The following SOX6 variants were observed in gnomAD, a reference collection of about 807,000 sequenced individuals.
SOX6 encodes SRY-box transcription factor 6.
In SOX6, 11 loss-of-function variants were observed where a neutral mutation model predicts 97.8. That is an observed-to-expected ratio of 0.11 (90% CI 0.07 to 0.19). The LOEUF (loss-of-function observed/expected upper bound fraction) is 0.19, where lower values mean the gene tolerates loss of function less well. SOX6 is among the 10% of genes least tolerant of loss of function. The probability of loss-of-function intolerance (pLI) is 1.00; values close to 1 mark genes in which losing one functional copy is unlikely to be tolerated. For synonymous variants in SOX6, 360 were observed against 371.4 expected, an observed-to-expected ratio of 0.97 and a Z score of 0.35; for missense variants, 810 against 1,039.5, an observed-to-expected ratio of 0.78 and a Z score of 3.04.
At chr11:16,321,179 C>A (rs549936669) in intron 2 of SOX6, among the ~76,000 whole-genome samples, 1 of 148,102 alleles carries the variant, frequency 6.8e-6, no homozygotes, top group Non-Finnish European at 1.5e-5. Flanking sequence ...CTGACCAAGG[C>A]TTTTATGAAT....
chr11:16,052,106 T>C (rs1847700101), intron 10 of SOX6, among the ~76,000 whole-genome samples: 1 of 152,180 alleles, frequency 6.6e-6, no homozygotes, highest in Admixed American at 6.6e-5. Flanking sequence ...ATGGAGTTTA[T>C]TACATCTTTT....
At position 15,970,775 on chromosome 11, in the gene SOX6, T is replaced by C. The variant is rs1853278705; in HGVS notation, c.*2034A>G. On this transcript the variant is annotated 3_prime_UTR_variant, in exon 16 of 16. Coordinates refer to ENST00000683767, the MANE Select transcript of SOX6 (RefSeq NM_001367873.1). ...CTCTTAAATAAATACAAAGGTACAC[T>C]ATTTTCTTCCAAGTGACAAAATGGC... 2 of 152,792 alleles carry C rather than the reference T, an allele frequency of 1.3e-5. No homozygotes were observed. Among genetic ancestry groups the C allele is most frequent in the South Asian group, 4.1e-4 (2 of 4,834 alleles). The allele number at this position is 152,792 out of a possible 1,614,324, so 9.5% of individuals were successfully genotyped here. A position where few individuals can be genotyped will look rare whatever the true frequency, so the allele number is the denominator to read the frequency against.
chr11:16,124,051 C>T (rs1057348880), intron 6 of SOX6, among the ~76,000 whole-genome samples: 3 of 152,104 alleles, frequency 2.0e-5, no homozygotes, highest in African/African-American at 7.2e-5. Context: ...CTTCCCAAAC[C>T]TGACCAATCT....
chr11:16,602,814 G>C (rs1292793371), intron 4 of SOX6, among the ~76,000 whole-genome samples: 1 of 152,140 alleles, frequency 6.6e-6, no homozygotes, highest in Non-Finnish European at 1.5e-5. Context: ...CTGAGGTCAG[G>C]AGTTCAACAC....
At chr11:16,326,108 A>T (rs545141626) in intron 2 of SOX6, among the ~76,000 whole-genome samples, 16 of 152,324 alleles carry the variant, frequency 1.1e-4, no homozygotes, top group African/African-American at 3.6e-4. Flanking sequence ...GGACTAAGAC[A>T]TTAATTACAA....
intron 1 of SOX6, among the ~76,000 whole-genome samples, chr11:16,472,957 A>G (rs992753396): frequency 1.3e-5 from 2 of 152,184 alleles, no homozygotes; most frequent in African/African-American, 2.4e-5. Context: ...ACATACACAT[A>G]TATTTTAAAT....
chr11:16,561,350 A>G (rs1847812897), intron 4 of SOX6, among the ~76,000 whole-genome samples: 1 of 152,036 alleles, frequency 6.6e-6, no homozygotes, highest in Non-Finnish European at 1.5e-5. Context: ...TGCTTCACCT[A>G]CTGTAAATAA....
chr11:16,637,293 T>C (rs1590026045), intron 3 of SOX6, among the ~76,000 whole-genome samples: 2 of 152,320 alleles, frequency 1.3e-5, no homozygotes, highest in East Asian at 1.9e-4. Context: ...TGATCTCAGC[T>C]CACTGCACCC....
At chr11:16,145,184 G>A (rs557011006) in intron 6 of SOX6, among the ~76,000 whole-genome samples, 2 of 152,162 alleles carry the variant, frequency 1.3e-5, no homozygotes, top group Non-Finnish European at 2.9e-5. Context: ...TGGGATGCAA[G>A]GCTGGTTCAA....
At chr11:16,189,760 C>T (rs1474842768) in intron 4 of SOX6, among the ~76,000 whole-genome samples, 2 of 152,110 alleles carry the variant, frequency 1.3e-5, no homozygotes, top group African/African-American at 4.8e-5. Flanking sequence ...AATATTCTAA[C>T]ATACGTGTAA....
intron 3 of SOX6, among the ~76,000 whole-genome samples, chr11:16,631,965 C>G (rs970919452): frequency 7.9e-5 from 12 of 152,116 alleles, no homozygotes; most frequent in African/African-American, 2.4e-4. Context: ...CTTATCTCTT[C>G]CTTCGTTTCT....
intron 6 of SOX6, among the ~76,000 whole-genome samples, chr11:16,143,737 G>T (rs967727614): frequency 6.6e-6 from 1 of 152,038 alleles, no homozygotes; most frequent in Non-Finnish European, 1.5e-5. Flanking sequence ...AACCAACAAA[G>T]ATCAAAAGAG....
At chr11:16,494,350 T>G (rs60084903) in intron 4 of SOX6, among the ~76,000 whole-genome samples, 27,840 of 151,998 alleles carry the variant, frequency 0.18, 2,602 homozygotes, top group African/African-American at 0.22. Flanking sequence ...CACTCCAGCC[T>G]GGGCCACAAA....
rs114938591 is a variant in SOX6, at chr11:16,376,811, A to T, written c.-4-35559T>A. The stretch of plus-strand genomic sequence containing the variant: ...ACTGCACTATAGATAGAACATTTAG[A>T]CTTCAGAACTGACAAGCGTATATTT... On this transcript the variant is annotated intron_variant, in intron 1 of 15. Transcript: ENST00000396356. Among the ~76,000 whole-genome samples, 1,091 of 152,204 alleles carry T rather than the reference A, an allele frequency of 7.2e-3. 17 individuals carry two copies. The highest frequency in any genetic ancestry group is 0.024 in the African/African-American group (976 of 41,520).
At chr11:16,322,095 C>T (rs1015615391) in intron 2 of SOX6, among the ~76,000 whole-genome samples, 1 of 151,768 alleles carries the variant, frequency 6.6e-6, no homozygotes, top group Non-Finnish European at 1.5e-5. Context: ...GAAAAAAAGC[C>T]CAGATTATTT....
chr11:16,421,909 A>G (rs1859028440), intron 1 of SOX6, among the ~76,000 whole-genome samples: 1 of 152,248 alleles, frequency 6.6e-6, no homozygotes, highest in Non-Finnish European at 1.5e-5. Flanking sequence ...TCATTAAAAC[A>G]GAACCATTTG....
chr11:16,635,635 A>C (rs1848774162), intron 3 of SOX6, among the ~76,000 whole-genome samples: 1 of 152,212 alleles, frequency 6.6e-6, no homozygotes, highest in South Asian at 2.1e-4. Flanking sequence ...CCAAATGCTA[A>C]TCACCAAGAC....
chr11:16,409,532 G>A (rs1858754705), intron 1 of SOX6, among the ~76,000 whole-genome samples: 1 of 151,960 alleles, frequency 6.6e-6, no homozygotes, highest in African/African-American at 2.4e-5. Context: ...AGACACACTA[G>A]AAGAAGAGAA....
upstream of SOX6, among the ~76,000 whole-genome samples, chr11:16,477,076 G>C (rs902196818): frequency 5.3e-5 from 8 of 152,032 alleles, no homozygotes; most frequent in African/African-American, 1.9e-4. Flanking sequence ...AAGGTGGTTT[G>C]GTAGTTTATT....
Sources: allele counts gnomAD v4.1 joint callset (sites outside exome capture counted in the v4.1 genomes callset), GRCh38; gene constraint gnomAD v4.1.1; transcripts MANE v1.5; gene names NCBI Gene and HGNC (gene_info 2026-07-23, HGNC 2026-07-21).